Variants in UNC13C observed in about 807,000 individuals in gnomAD.
UNC13C encodes the protein unc-13 homolog C.
A neutral mutation model predicts 245.4 loss-of-function variants in UNC13C; 174 were observed. The ratio of observed to expected loss-of-function variants is 0.71; its 90% CI spans 0.63 to 0.80. The LOEUF is 0.80. UNC13C is among the 30% of genes least tolerant of loss of function. The probability of loss-of-function intolerance (pLI) is 0.00; values close to 1 mark genes in which losing one functional copy is unlikely to be tolerated. For missense variants in UNC13C, 2,829 were observed against 2,602.9 expected (o/e 1.09, Z -1.89); for synonymous variants, 992 against 895.1 (o/e 1.11, Z -1.93).
chr15:53,992,247 A>G (rs1260876385), intron 1 of UNC13C, among the ~76,000 whole-genome samples: 1 of 152,028 alleles, frequency 6.6e-6, no homozygotes, highest in African/African-American at 2.4e-5. Flanking sequence ...AATCCAGTCC[A>G]TATGTGCTTT....
chr15:53,946,425 T>C, the UNC13C span, among the ~76,000 whole-genome samples: 2 of 149,810 alleles, frequency 1.3e-5, no homozygotes, highest in African/African-American at 4.9e-5. Context: ...CTCCAATACC[T>C]AGTTTACTGA....
At chr15:54,332,260 C>CT (rs1463841131) in intron 15 of UNC13C, 149 bp downstream of exon 15, 12 of 577,210 alleles carry the variant, frequency 2.1e-5, no homozygotes, top group African/African-American at 3.9e-5. Context: ...AGCAGGTCTC[C>CT]TTTTTTGTTC....
the UNC13C span, among the ~76,000 whole-genome samples, chr15:53,951,289 G>C: frequency 6.6e-6 from 1 of 152,162 alleles, no homozygotes; most frequent in African/African-American, 2.4e-5. Flanking sequence ...ATTCCAACTT[G>C]ACTCATTTCA....
At chr15:54,623,651 G>A in intron 31 of UNC13C, 144 bp from the exon 32 acceptor site, 1 of 713,106 alleles carries the variant, frequency 1.4e-6, no homozygotes, top group Non-Finnish European at 2.2e-6. Context: ...AAAGAAAATT[G>A]TATTTTATTG....
At chr15:54,333,916 T>A in intron 16 of UNC13C, 60 bp downstream of exon 16, 1 of 1,306,640 alleles carries the variant, frequency 7.7e-7, no homozygotes, top group Non-Finnish European at 1.1e-6. Context: ...CATCCCCTGG[T>A]AAAGTCTTGC....
At chr15:54,587,650 T>A (rs907412483) in intron 30 of UNC13C, among the ~76,000 whole-genome samples, 1 of 152,136 alleles carries the variant, frequency 6.6e-6, no homozygotes, top group African/African-American at 2.4e-5. Flanking sequence ...GATGTTACAC[T>A]GCTCCTCCCC....
In UNC13C at chr15:54,004,277, G is replaced by A. The variant is rs139069317; in HGVS notation, c.-256-8371G>A. Among the ~76,000 whole-genome samples, 1,502 of 152,154 alleles carry A rather than the reference G, an allele frequency of 9.9e-3. 23 individuals carry two copies. The highest frequency in any genetic ancestry group is 0.033 in the African/African-American group (1,372 of 41,516). On this transcript the variant is annotated intron_variant, in intron 1 of 32. Transcript: ENST00000260323. ...GAATATGCAATGTTTGTCTTTCTGC[G>A]CCTGGCTTATTTCACTTAACATAAC...
At chr15:54,417,901 AT>A (rs1264919103) in intron 19 of UNC13C, among the ~76,000 whole-genome samples, 5 of 151,942 alleles carry the variant, frequency 3.3e-5, no homozygotes, top group Non-Finnish European at 2.9e-5. Flanking sequence ...CATTGTTAAA[AT>A]TTCCTATATG....
At position 54,628,560 on chromosome 15, in the gene UNC13C, C is replaced by G. The variant is rs1901346538; in HGVS notation, c.*1447C>G. The G allele has an allele frequency of 1.3e-5, 2 of 152,684 alleles. 1 individual carries two copies. Among genetic ancestry groups the G allele is most frequent in the Admixed American group, 1.3e-4 (2 of 15,276 alleles). The allele number at this position is 152,684 out of a possible 1,614,324, so 9.5% of individuals were successfully genotyped here. The stretch of plus-strand genomic sequence containing the variant: ...CTCTAAATGCATAGTGTGATGCGAT[C>G]CTCTGGCATATGCTTTAATAAATGG... On this transcript the variant is annotated 3_prime_UTR_variant, in exon 33 of 33. Coordinates refer to ENST00000260323, the MANE Select transcript of UNC13C (RefSeq NM_001080534.3).
At chr15:54,177,251 A>G (rs958947294) in intron 4 of UNC13C, among the ~76,000 whole-genome samples, 6 of 152,142 alleles carry the variant, frequency 3.9e-5, no homozygotes, top group East Asian at 1.9e-4. Flanking sequence ...TAACTAAACA[A>G]TAGTGATGGT....
chr15:54,543,158 A>T (rs1896324793), intron 26 of UNC13C, among the ~76,000 whole-genome samples: 1 of 152,096 alleles, frequency 6.6e-6, no homozygotes, highest in African/African-American at 2.4e-5. Context: ...TTCCACATTT[A>T]CTGGTTCCTT....
At chr15:54,187,229 C>T (rs2034022433) in intron 4 of UNC13C, among the ~76,000 whole-genome samples, 1 of 152,064 alleles carries the variant, frequency 6.6e-6, no homozygotes, top group Non-Finnish European at 1.5e-5. Context: ...TCCTCTTCAT[C>T]ACTACTGCCT....
chr15:54,392,914 A>T, intron 17 of UNC13C, 134 bp from the exon 18 acceptor site: 1 of 1,038,078 alleles, frequency 9.6e-7, no homozygotes, highest in Non-Finnish European at 1.3e-6. Flanking sequence ...ACCTGAGTTT[A>T]ACAGCTTTGA....
chr15:54,137,568 G>A (rs1443871933), intron 2 of UNC13C, among the ~76,000 whole-genome samples: 1 of 152,096 alleles, frequency 6.6e-6, no homozygotes, highest in Non-Finnish European at 1.5e-5. Context: ...GTATGTTCTA[G>A]TAATTTATCC....
intron 30 of UNC13C, among the ~76,000 whole-genome samples, chr15:54,621,768 C>A (rs2141310768): frequency 6.6e-6 from 1 of 152,290 alleles, no homozygotes; most frequent in Non-Finnish European, 1.5e-5. Flanking sequence ...CAGGCCCTTT[C>A]CAACACAATA....
intron 10 of UNC13C, among the ~76,000 whole-genome samples, chr15:54,293,346 G>A (rs1237935180): frequency 1.3e-5 from 2 of 151,910 alleles, no homozygotes; most frequent in East Asian, 3.8e-4. Flanking sequence ...AATTAACGAT[G>A]GACTAGAATG....
intron 4 of UNC13C, among the ~76,000 whole-genome samples, chr15:54,234,160 T>G (rs540322062): frequency 1.5e-3 from 232 of 152,190 alleles, no homozygotes; most frequent in African/African-American, 5.3e-3. Context: ...ACTACAGTTA[T>G]CAATTTCATA....
chr15:54,185,595 A>G (rs1202492459), intron 4 of UNC13C, among the ~76,000 whole-genome samples: 5 of 149,162 alleles, frequency 3.4e-5, no homozygotes, highest in Non-Finnish European at 7.4e-5. Context: ...ATGTGGCATT[A>G]TTTCTGAGGG....
the UNC13C span, among the ~76,000 whole-genome samples, chr15:53,971,473 A>C: frequency 3.3e-5 from 5 of 152,192 alleles, no homozygotes. Context: ...CTTCAGTATG[A>C]TGAAGGAAAC....
Sources: gnomAD v4.1 joint callset for allele counts (sites outside exome capture counted in the v4.1 genomes callset) on GRCh38, gnomAD v4.1.1 for gene constraint, MANE v1.5 for transcripts, NCBI Gene and HGNC (gene_info 2026-07-23, HGNC 2026-07-21) for gene names.